Variants in NFATC2IP observed in about 807,000 individuals in gnomAD.
NFATC2IP encodes NFATC2-interacting protein.
NFATC2IP carries 25 observed loss-of-function variants against 40.2 expected under a neutral mutation model. The ratio of observed to expected loss-of-function variants is 0.62; its 90% CI spans 0.45 to 0.87. The LOEUF (loss-of-function observed/expected upper bound fraction) is 0.87. Ranked by LOEUF, NFATC2IP falls within the 40% of genes least tolerant of loss-of-function variation. The pLI, the probability that NFATC2IP is intolerant of heterozygous loss-of-function variation, is 0.00. For missense variants in NFATC2IP, 553 were observed against 555.6 expected (o/e 1.00, Z 0.05); for synonymous variants, 241 against 236.3 (o/e 1.02, Z -0.18).
intron 3 of NFATC2IP, 68 bp from the exon 4 acceptor site, chr16:28,955,910 T>C (rs1965015290): frequency 8.0e-7 from 1 of 1,245,290 alleles, no homozygotes; most frequent in African/African-American, 1.5e-5. Flanking sequence ...TCCAAGGATC[T>C]GATTTCTAGG....
At chr16:28,961,308 A>T (rs1965083133) in intron 7 of NFATC2IP, among the ~76,000 whole-genome samples, 1 of 140,910 alleles carries the variant, frequency 7.1e-6, no homozygotes, top group Non-Finnish European at 1.5e-5. Flanking sequence ...AGCCTGGGAG[A>T]CAGCAAGACC....
In NFATC2IP at chr16:28,966,258, A is replaced by C. The variant is rs1965144928; in HGVS notation, c.*2395A>C. ...CACACCGGGGTGACACCTTGGCTGC[A>C]TCTGTTCTCAACAGTCAGACACTTC... On this transcript the variant is annotated 3_prime_UTR_variant, in exon 8 of 8. Transcript: ENST00000320805. 1 of 152,190 alleles carries C rather than the reference A, an allele frequency of 6.6e-6. No homozygotes were observed. Among genetic ancestry groups the C allele is most frequent in the Admixed American group, 6.6e-5 (1 of 15,222 alleles). The allele number at this position is 152,190 out of a possible 1,614,324, so 9.4% of individuals were successfully genotyped here. A position where few individuals can be genotyped will look rare whatever the true frequency, so the allele number is the denominator to read the frequency against.
chr16:28,963,625 T>C (rs1716136484), intron 7 of NFATC2IP, 80 bp from the exon 8 acceptor site: 1 of 1,301,036 alleles, frequency 7.7e-7, no homozygotes, highest in Non-Finnish European at 1.1e-6. Flanking sequence ...ATCCTCCCTG[T>C]CCCAAGTTCC....
intron 2 of NFATC2IP, among the ~76,000 whole-genome samples, chr16:28,953,085 C>T (rs1964984962): frequency 6.6e-6 from 1 of 150,450 alleles, no homozygotes; most frequent in Non-Finnish European, 1.5e-5. Flanking sequence ...TTTCTTTTTT[C>T]TTGTTTTGAG....
Position 28,956,260 on chromosome 16 carries a change from A to C in NFATC2IP, c.769A>C (p.Thr257Pro), listed in dbSNP as rs1596728747. ...EDEVVLVEGP[T>P]LPETPRLFPL... is the part of the protein sequence containing the mutation. The stretch of plus-strand genomic sequence containing the variant: ...TGAAGTGGTCTTGGTGGAAGGGCCC[A>C]CCCTCCCAGAGACCCCCCGACTCTT... Residue 257 changes from threonine (T) to proline (P), a missense_variant, in exon 5 of 8, where the codon ACC becomes CCC. By Grantham distance (38) the Thr-to-Pro change is conservative. Coordinates refer to ENST00000320805, the MANE Select transcript of NFATC2IP (RefSeq NM_032815.4). 1 of 1,613,360 alleles carries C rather than the reference A, an allele frequency of 6.2e-7. No individual in the cohort carries two copies. Among genetic ancestry groups the C allele is most frequent in the African/African-American group, 1.3e-5 (1 of 74,886 alleles).
rs1965127673 is a variant in NFATC2IP at position 28,964,828 on chromosome 16, C to T, written c.*965C>T. 1 of 152,240 alleles carries T rather than the reference C, an allele frequency of 6.6e-6. No homozygotes were observed. The highest frequency in any genetic ancestry group is 6.5e-5 in the Admixed American group (1 of 15,282). The allele number at this position is 152,240 out of a possible 1,614,324, so 9.4% of individuals were successfully genotyped here. On this transcript the variant is annotated 3_prime_UTR_variant, in exon 8 of 8. Coordinates refer to ENST00000320805, the MANE Select transcript of NFATC2IP (RefSeq NM_032815.4). ...CCTGCCATGTGGCACTCCACAATGT[C>T]AATTGCAGTTTACACACATTGCCTA... is the stretch of plus-strand genomic sequence containing the variant.
At chr16:28,952,108 C>A (rs759672652) in intron 1 of NFATC2IP, 24 bp from the exon 2 acceptor site, 1 of 1,613,704 alleles carries the variant, frequency 6.2e-7, no homozygotes, top group Admixed American at 1.7e-5. Context: ...GGGCCTGACC[C>A]CTCTCCCTTC....
rs1965054440 is a variant in NFATC2IP at position 28,959,013 on chromosome 16, T to G, written c.1014T>G (p.Ser338=). ...DIIDCVVLTS[S]PEATETSQQL... ...CAGACTGTGTGGTACTAACAAGTTCTCCAGAGGCCACAGAGACGTCCCAAC... is the reference window on the plus strand; with the variant it reads ...CAGACTGTGTGGTACTAACAAGTTCGCCAGAGGCCACAGAGACGTCCCAAC... The change falls in exon 7 of 8, where the codon TCT becomes TCG. Residue 338 remains serine (S), a synonymous_variant. Transcript: ENST00000320805. 2 of 1,613,956 alleles carry G rather than the reference T, an allele frequency of 1.2e-6. No homozygotes were observed. Among genetic ancestry groups the G allele is most frequent in the African/African-American group, 2.7e-5 (2 of 75,028 alleles).
In NFATC2IP at chr16:28,951,382, C is replaced by T; in HGVS notation, c.371C>T (p.Pro124Leu). Residue 124 changes from proline to leucine, a missense_variant, in exon 1 of 8, where the codon CCG (proline) becomes CTG (leucine). Physicochemically the swap from Pro to Leu is moderately conservative, Grantham distance 98. Transcript: ENST00000320805. ...VLDPGEAPLV[P>L]VYSGKVKSSL... ...GATCCGGGGGAGGCGCCGCTGGTTCCGGTGTACTCGGGGAAGGTGCGCCCG... is the reference window on the plus strand; with the variant it reads ...GATCCGGGGGAGGCGCCGCTGGTTCTGGTGTACTCGGGGAAGGTGCGCCCG... 7.1e-7 allele frequency: 1 copy of T among 1,398,680 alleles called. No homozygotes were observed. The allele number at this position is 1,398,680 out of a possible 1,614,324, so 86.6% of individuals were successfully genotyped here. A position where few individuals can be genotyped will look rare whatever the true frequency, so the allele number is the denominator to read the frequency against.
Position 28,966,799 on chromosome 16 carries a change from A to G in NFATC2IP, c.*2936A>G, listed in dbSNP as rs1469432020. The G allele has an allele frequency of 6.6e-6, 1 of 151,654 alleles. No individual in the cohort carries two copies. The highest frequency in any genetic ancestry group is 1.5e-5 in the Non-Finnish European group (1 of 67,948). The allele number at this position is 151,654 out of a possible 1,614,324, so 9.4% of individuals were successfully genotyped here. A position where few individuals can be genotyped will look rare whatever the true frequency, so the allele number is the denominator to read the frequency against. ...AAAATTCAGTGAAATACACCTTTATATATGAGATCCAAGTTTCACTTTTTG... is the reference window on the plus strand; with the variant it reads ...AAAATTCAGTGAAATACACCTTTATGTATGAGATCCAAGTTTCACTTTTTG... On this transcript the variant is annotated 3_prime_UTR_variant, in exon 8 of 8. Coordinates refer to ENST00000320805, the MANE Select transcript of NFATC2IP (RefSeq NM_032815.4).
At chr16:28,952,000 G>A (rs1964971771) in intron 1 of NFATC2IP, 132 bp from the exon 2 acceptor site, 3 of 1,181,996 alleles carry the variant, frequency 2.5e-6, no homozygotes, top group Admixed American at 2.2e-5. Context: ...TAGGTTGCCA[G>A]GAGAGGGCCA....
At position 28,951,048 on chromosome 16, in the gene NFATC2IP, G is replaced by A. The variant is rs781000184; in HGVS notation, c.37G>A (p.Gly13Arg). The change falls in exon 1 of 8, where the codon GGA (glycine) becomes AGA (arginine). Residue 13 changes from glycine (G) to arginine (R), a missense_variant. Transcript: ENST00000320805. The stretch of plus-strand genomic sequence containing the variant: ...TGTGGGGAAGCGGGGCCGCTGGTCC[G>A]GAGGTAGCGGTGCCGGCCGAGGGGG... ...EPVGKRGRWS[G>R]GSGAGRGGRG... 5.2e-6 allele frequency: 8 copies of A among 1,540,558 alleles called. No individual in the cohort carries two copies. Among genetic ancestry groups the A allele is most frequent in the African/African-American group, 4.1e-5 (3 of 72,406 alleles).
In NFATC2IP at chr16:28,952,465, T is replaced by G; in HGVS notation, c.460+261T>G. On this transcript the variant is annotated intron_variant, in intron 2 of 7. Coordinates refer to ENST00000320805, the MANE Select transcript of NFATC2IP (RefSeq NM_032815.4). ...GAGGCGGTAAGGTGTTGAGAATCTG[T>G]GACATCTTGTTACATCTGCAGCAAG... is the stretch of plus-strand genomic sequence containing the variant. The G allele has an allele frequency of 6.5e-6, 3 of 459,068 alleles. 1 individual carries two copies. In the South Asian group the frequency reaches 8.8e-5, roughly 13 times the overall value. 28.4% of individuals were successfully genotyped at this position (459,068 alleles called of 1,614,324 possible). A position where few individuals can be genotyped will look rare whatever the true frequency, so the allele number is the denominator to read the frequency against.
Position 28,954,584 on chromosome 16 carries a change from G to A in NFATC2IP, c.480G>A (p.Ser160=), listed in dbSNP as rs1200712367. 6 of 1,613,030 alleles carry A rather than the reference G, an allele frequency of 3.7e-6. No individual in the cohort carries two copies. Among genetic ancestry groups the A allele is most frequent in the East Asian group, 4.5e-5 (2 of 44,872 alleles). Residue 160 remains serine (S), a synonymous_variant, in exon 3 of 8, where the codon TCG becomes TCA. Coordinates refer to ENST00000320805, the MANE Select transcript of NFATC2IP (RefSeq NM_032815.4). The part of the protein sequence containing the change: ...GDEEEAELAD[S]SGLYHEGSPS... Reference sequence around the variant, plus strand: ...CCCCAGAGGCAGAGCTGGCAGATTCGAGTGGTCTCTACCATGAGGGCTCCC... The same window carrying A: ...CCCCAGAGGCAGAGCTGGCAGATTCAAGTGGTCTCTACCATGAGGGCTCCC...
chr16:28,959,190 T>A, intron 7 of NFATC2IP, 90 bp downstream of exon 7: 1 of 793,100 alleles, frequency 1.3e-6, no homozygotes, highest in South Asian at 1.5e-5. Context: ...TGGATTCCCC[T>A]AATCTTGACT....
intron 5 of NFATC2IP, chr16:28,957,712 A>G (rs1965036792): frequency 6.6e-6 from 1 of 152,062 alleles, no homozygotes; most frequent in South Asian, 2.1e-4. Context: ...TCCTGACCTC[A>G]AGCAAACCTC....
chr16:28,954,039 G>A (rs1229114684), intron 2 of NFATC2IP, among the ~76,000 whole-genome samples: 1 of 152,138 alleles, frequency 6.6e-6, no homozygotes, highest in Non-Finnish European at 1.5e-5. Context: ...AAATTCTTTG[G>A]TGTTGGAAAC....
Position 28,952,135 on chromosome 16 carries a change from A to AGGC in NFATC2IP, c.391_392insGGC (p.Lys131delinsArgGln). 2 of 1,613,946 alleles carry AGGC rather than the reference A, an allele frequency of 1.2e-6. No individual in the cohort carries two copies. Among genetic ancestry groups the AGGC allele is most frequent in the Non-Finnish European group, 8.5e-7 (1 of 1,179,906 alleles). ...TCTCCCTTCTTTGTCTTTGCAGGTT[A>AGGC]AAAGCAGCCTTCGCCTTATCCCAGA... On this transcript the variant is annotated protein_altering_variant, in exon 2 of 8. Coordinates refer to ENST00000320805, the MANE Select transcript of NFATC2IP (RefSeq NM_032815.4).
Position 28,966,652 on chromosome 16 carries a change from G to A in NFATC2IP, c.*2789G>A, listed in dbSNP as rs1466446058. The A allele has an allele frequency of 6.7e-6, 1 of 150,344 alleles. No individual in the cohort carries two copies. Among genetic ancestry groups the A allele is most frequent in the African/African-American group, 2.4e-5 (1 of 40,870 alleles). The allele number at this position is 150,344 out of a possible 1,614,324, so 9.3% of individuals were successfully genotyped here. A position where few individuals can be genotyped will look rare whatever the true frequency, so the allele number is the denominator to read the frequency against. ...AGGCGCCTGTAATCCCAGTTACTTC[G>A]GGAGGCTGAGGCAGGAGAATCGCTT... On this transcript the variant is annotated 3_prime_UTR_variant, in exon 8 of 8. Transcript: ENST00000320805.
Sources: gnomAD v4.1 joint callset for allele counts (sites outside exome capture counted in the v4.1 genomes callset) on GRCh38, gnomAD v4.1.1 for gene constraint, MANE v1.5 for transcripts, NCBI Gene and HGNC (gene_info 2026-07-23, HGNC 2026-07-21) for gene names.